PCDHA3: variants seen among roughly 807,000 people sequenced by gnomAD.
The protein encoded by PCDHA3 is protocadherin alpha 3, also known as protocadherin alpha-3.
PCDHA3 carries 41 observed loss-of-function variants against 62.2 expected under a neutral mutation model. The observed-to-expected ratio is 0.66, with a 90% CI of 0.51 to 0.86. The LOEUF is 0.86. Among genes scored for constraint, PCDHA3 ranks in the 40% least tolerant of loss-of-function variants. The pLI is 0.00. For synonymous variants in PCDHA3, 640 were observed against 555.4 expected (o/e 1.15, Z -2.14); for missense variants, 1,304 against 1,241.2 (o/e 1.05, Z -0.76).
intron 1 of PCDHA3, chr5:140,852,708 G>A (rs1175249471): frequency 1.0e-6 from 1 of 979,130 alleles, no homozygotes; most frequent in Non-Finnish European, 1.2e-6. Flanking sequence ...AAGTATCTTT[G>A]TCTTTGCACG....
chr5:140,890,434 T>C (rs1368664447), intron 1 of PCDHA3, among the ~76,000 whole-genome samples: 2 of 152,226 alleles, frequency 1.3e-5, no homozygotes, highest in Non-Finnish European at 2.9e-5. Flanking sequence ...ATATTTACAA[T>C]ACCTAGTGAT....
At chr5:140,807,470 C>T in intron 1 of PCDHA3, 1 of 1,612,788 alleles carries the variant, frequency 6.2e-7, no homozygotes, top group South Asian at 1.1e-5. Context: ...CCGGGAGGAG[C>T]TGTGCCGGCG....
At chr5:140,824,438 T>G in intron 1 of PCDHA3, 1 of 481,602 alleles carries the variant, frequency 2.1e-6, no homozygotes, top group Non-Finnish European at 3.6e-6. Context: ...AAAGTTTCAG[T>G]TTATGACTAC....
At chr5:140,971,117 G>A (rs868931936) in intron 1 of PCDHA3, among the ~76,000 whole-genome samples, 1 of 152,162 alleles carries the variant, frequency 6.6e-6, no homozygotes, top group Admixed American at 6.5e-5. Flanking sequence ...ATTGGGGTGG[G>A]CTACAGGTGG....
At chr5:140,854,853 C>T (rs1441066752) in intron 1 of PCDHA3, among the ~76,000 whole-genome samples, 1 of 149,620 alleles carries the variant, frequency 6.7e-6, no homozygotes, top group East Asian at 1.9e-4. Flanking sequence ...GATAAAATTA[C>T]TAGATATATT....
At chr5:140,895,138 G>C (rs782496234) in intron 1 of PCDHA3, among the ~76,000 whole-genome samples, 14 of 151,944 alleles carry the variant, frequency 9.2e-5, no homozygotes, top group Non-Finnish European at 1.8e-4. Flanking sequence ...AAGTTCATAG[G>C]GCTAAGACAG....
intron 1 of PCDHA3, chr5:140,883,896 C>G (rs199847007): frequency 6.2e-7 from 1 of 1,613,386 alleles, no homozygotes; most frequent in African/African-American, 1.3e-5. Context: ...TCTGGCGTGC[C>G]GCCTCTGGGC....
In PCDHA3 at chr5:140,848,671, T is replaced by C. The variant is rs2150416657; in HGVS notation, c.2394+45080T>C. The C allele has an allele frequency of 3.1e-6, 5 of 1,592,316 alleles. 1 individual carries two copies. The highest frequency in any genetic ancestry group is 2.2e-5 in the South Asian group (2 of 90,134). On this transcript the variant is annotated intron_variant, in intron 1 of 3. Transcript: ENST00000522353. ...GACCTGGGGCTGGAGCTGGCGGAGCTGGTGCCGCGCCTGTTCCAGTTGGAT... is the reference window on the plus strand; with the variant it reads ...GACCTGGGGCTGGAGCTGGCGGAGCCGGTGCCGCGCCTGTTCCAGTTGGAT...
chr5:140,971,414 AT>A (rs2096477673), intron 1 of PCDHA3, among the ~76,000 whole-genome samples: 1 of 152,166 alleles, frequency 6.6e-6, no homozygotes, highest in African/African-American at 2.4e-5. Flanking sequence ...ACTTTTGGAA[AT>A]CCAGTGAAGA....
intron 1 of PCDHA3, among the ~76,000 whole-genome samples, chr5:140,949,414 C>G (rs887325816): frequency 6.6e-6 from 1 of 151,940 alleles, no homozygotes; most frequent in Non-Finnish European, 1.5e-5. Context: ...CACCTATCAT[C>G]ATTGTGTTTA....
At chr5:140,903,917 T>C (rs2070714744) in intron 1 of PCDHA3, among the ~76,000 whole-genome samples, 1 of 152,258 alleles carries the variant, frequency 6.6e-6, no homozygotes, top group Non-Finnish European at 1.5e-5. Flanking sequence ...GTGACTTCCT[T>C]GCTGCATTGG....
chr5:140,943,467 G>C lies in PCDHA3; in HGVS notation c.2395-35482G>C, dbSNP rs559827697. 2.0e-5 allele frequency among the ~76,000 whole-genome samples: 3 copies of C among 152,126 alleles called. No individual in the cohort carries two copies. The East Asian group carries it at 5.8e-4, about 29-fold the overall frequency. On this transcript the variant is annotated intron_variant, in intron 1 of 3. Coordinates refer to ENST00000522353, the MANE Select transcript of PCDHA3 (RefSeq NM_018906.3). ...AGAATTGATAAGGCTAAATGTGGGA[G>C]ATACAGTAAAATAATAAATAGATGC... is the stretch of plus-strand genomic sequence containing the variant.
At position 140,853,431 on chromosome 5, in the gene PCDHA3, T is replaced by C; in HGVS notation, c.2394+49840T>C. 3.0e-6 allele frequency: 3 copies of C among 985,312 alleles called. No homozygotes were observed. In the African/African-American group the frequency reaches 5.3e-5, roughly 17 times the overall value. The allele number at this position is 985,312 out of a possible 1,614,324, so 61.0% of individuals were successfully genotyped here. On this transcript the variant is annotated intron_variant, in intron 1 of 3. Coordinates refer to ENST00000522353, the MANE Select transcript of PCDHA3 (RefSeq NM_018906.3). ...AGAGGTGAAAGCAGAAGAGACACTTTCCTATTTTGCCTAATAGGTCTCCTT... is the reference window on the plus strand; with the variant it reads ...AGAGGTGAAAGCAGAAGAGACACTTCCCTATTTTGCCTAATAGGTCTCCTT...
At chr5:140,870,388 G>C in intron 1 of PCDHA3, 1 of 1,614,232 alleles carries the variant, frequency 6.2e-7, no homozygotes, top group Non-Finnish European at 8.5e-7. Flanking sequence ...TGCGCGGGAT[G>C]GGGGTTCGCC....
chr5:140,996,630 A>G (rs765477034), intron 3 of PCDHA3, among the ~76,000 whole-genome samples: 10 of 152,210 alleles, frequency 6.6e-5, no homozygotes, highest in Non-Finnish European at 1.5e-4. Flanking sequence ...TGGTTCCTGC[A>G]AATTATGTAG....
chr5:140,971,547 C>T (rs904044424), intron 1 of PCDHA3, among the ~76,000 whole-genome samples: 3 of 152,074 alleles, frequency 2.0e-5, no homozygotes, highest in Non-Finnish European at 4.4e-5. Flanking sequence ...GCCAGATCAA[C>T]CTGTTAAATT....
At chr5:140,834,416 C>A (rs2150217412) in intron 1 of PCDHA3, 5 of 1,611,158 alleles carry the variant, frequency 3.1e-6, no homozygotes, top group Admixed American at 1.7e-5. Context: ...ACCCAGGGGG[C>A]CGACATCTAC....
At chr5:140,869,228 G>T (rs782726206) in intron 1 of PCDHA3, 1 of 1,613,764 alleles carries the variant, frequency 6.2e-7, no homozygotes, top group South Asian at 1.1e-5. Flanking sequence ...GCCAAACACG[G>T]CACCTTCGTG....
chr5:140,807,479 C>A, intron 1 of PCDHA3: 2 of 1,613,112 alleles, frequency 1.2e-6, no homozygotes, highest in Non-Finnish European at 1.7e-6. Flanking sequence ...GCTGTGCCGG[C>A]GGAGCGCGGA....
Sources: gnomAD v4.1 joint callset for allele counts (sites outside exome capture counted in the v4.1 genomes callset) on GRCh38, gnomAD v4.1.1 for gene constraint, MANE v1.5 for transcripts, NCBI Gene and HGNC (gene_info 2026-07-23, HGNC 2026-07-21) for gene names.